The following MYO9A variants were observed in gnomAD, a reference collection of about 807,000 sequenced individuals.
MYO9A encodes the protein unconventional myosin-IXa.
MYO9A carries 103 observed loss-of-function variants against 293.3 expected under a neutral mutation model. The ratio of observed to expected loss-of-function variants is 0.35; its 90% CI spans 0.30 to 0.41. The LOEUF is 0.41. Ranked by LOEUF, MYO9A falls within the 10% of genes least tolerant of loss-of-function variation. MYO9A has a pLI of 1.00. For synonymous variants in MYO9A, 1,001 were observed against 1,035.7 expected, an observed-to-expected ratio of 0.97 and a Z score of 0.64; for missense variants, 2,685 against 3,033.0, an observed-to-expected ratio of 0.89 and a Z score of 2.69.
chr15:71,898,128 T>C lies in MYO9A; in HGVS notation c.4375A>G (p.Ile1459Val). The C allele has an allele frequency of 6.2e-7, 1 of 1,614,160 alleles. No homozygotes were observed. The highest frequency in any genetic ancestry group is 1.3e-5 in the African/African-American group (1 of 75,070). The change falls in exon 25 of 42, where the codon ATC becomes GTC. Residue 1459 changes from isoleucine to valine, a missense_variant. By Grantham distance (29) the Ile-to-Val change is conservative. Coordinates refer to ENST00000356056, the MANE Select transcript of MYO9A (RefSeq NM_006901.4). Reference protein sequence around the residue: ...DTAGEALTLDINRETRRYHCS... With the variant: ...DTAGEALTLDVNRETRRYHCS... The stretch of plus-strand genomic sequence containing the variant: ...TGATACCTTCTAGTTTCCCTGTTGA[T>C]ATCCAAAGTAAGAGCTTCCCCCGCT...
At chr15:71,867,260 C>A (rs558430425) in intron 32 of MYO9A, among the ~76,000 whole-genome samples, 3 of 151,882 alleles carry the variant, frequency 2.0e-5, no homozygotes, top group Non-Finnish European at 2.9e-5. Context: ...CCATAAAGAT[C>A]GCAATTTAAA....
intron 9 of MYO9A, among the ~76,000 whole-genome samples, chr15:71,998,108 G>C (rs1349579838): frequency 6.6e-6 from 1 of 152,076 alleles, no homozygotes; most frequent in Non-Finnish European, 1.5e-5. Context: ...AAATAAATGT[G>C]GTACTTATAC....
intron 1 of MYO9A, among the ~76,000 whole-genome samples, chr15:72,079,547 G>A (rs962344312): frequency 2.6e-5 from 4 of 152,108 alleles, no homozygotes; most frequent in African/African-American, 4.8e-5. Flanking sequence ...GTCTACAAGT[G>A]CATATGCATA....
At chr15:71,912,304 G>A (rs925952746) in intron 19 of MYO9A, among the ~76,000 whole-genome samples, 3 of 149,328 alleles carry the variant, frequency 2.0e-5, no homozygotes, top group Admixed American at 1.3e-4. Context: ...TGTCCAGGCT[G>A]GAGTGCAGTG....
intron 1 of MYO9A, among the ~76,000 whole-genome samples, chr15:72,057,775 C>CA (rs1297524787): frequency 1.3e-5 from 2 of 152,192 alleles, no homozygotes; most frequent in Admixed American, 6.5e-5. Flanking sequence ...GAAACTAACA[C>CA]ACACAGCAAA....
chr15:71,899,723 A>C lies in MYO9A; in HGVS notation c.3434T>G (p.Leu1145Trp). The C allele has an allele frequency of 6.2e-7, 1 of 1,613,966 alleles. No individual in the cohort carries two copies. Among genetic ancestry groups the C allele is most frequent in the African/African-American group, 1.3e-5 (1 of 75,008 alleles). ...TCTGAATCCTCTACATGTTGATTGCAAAAGGATAATTTTTTTCCTTTGTTC... is the reference window on the plus strand; with the variant it reads ...TCTGAATCCTCTACATGTTGATTGCCAAAGGATAATTTTTTTCCTTTGTTC... Reference protein sequence around the residue: ...YQEQRKKIILLQSTCRGFRAR... With the variant: ...YQEQRKKIILWQSTCRGFRAR... The change falls in exon 24 of 42, where the codon TTG (leucine) becomes TGG (tryptophan). Residue 1145 changes from leucine (L) to tryptophan (W), a missense_variant. Physicochemically the swap from Leu to Trp is moderately conservative, Grantham distance 61 (BLOSUM62 -2). Around this residue, in one of 10 missense-constraint regions of MYO9A, gnomAD observed 1,434 missense variants for 1,497.7 expected, o/e 0.96. Coordinates refer to ENST00000356056, the MANE Select transcript of MYO9A (RefSeq NM_006901.4).
intron 18 of MYO9A, among the ~76,000 whole-genome samples, chr15:71,917,770 A>C (rs1389919965): frequency 2.0e-5 from 3 of 152,224 alleles, no homozygotes; most frequent in African/African-American, 7.2e-5. Context: ...ACTATATGTT[A>C]TTTAAAAAGT....
rs1006689810 is a variant in MYO9A, at chr15:71,823,716, A to G, written c.*2864T>C. ...CAGGGATACATTCACTTTAATGGGC[A>G]GAGTTGAAAATTCAGGTTTTGTTTG... On this transcript the variant is annotated 3_prime_UTR_variant, in exon 42 of 42. Coordinates refer to ENST00000356056, the MANE Select transcript of MYO9A (RefSeq NM_006901.4). The G allele has an allele frequency of 6.6e-6, 1 of 152,222 alleles. No individual in the cohort carries two copies. The highest frequency in any genetic ancestry group is 1.5e-5 in the Non-Finnish European group (1 of 68,038). The allele number at this position is 152,222 out of a possible 1,614,324, so 9.4% of individuals were successfully genotyped here.
At chr15:72,010,220 C>T (rs1230312870) in intron 7 of MYO9A, 130 bp downstream of exon 7, 8 of 600,794 alleles carry the variant, frequency 1.3e-5, no homozygotes, top group East Asian at 2.8e-5. Flanking sequence ...AAATAATGCT[C>T]GAGATGGATG....
chr15:71,959,043 TAAAG>T (rs963018200), intron 14 of MYO9A: 69 of 152,286 alleles, frequency 4.5e-4, no homozygotes, highest in African/African-American at 1.6e-3. Flanking sequence ...GAAAGCATCT[TAAAG>T]AAAAAAAATT....
At position 72,020,898 on chromosome 15, in the gene MYO9A, T is replaced by C; in HGVS notation, c.1098+20A>G. The C allele has an allele frequency of 7.0e-7, 1 of 1,433,562 alleles. No individual in the cohort carries two copies. The highest frequency in any genetic ancestry group is 9.3e-7 in the Non-Finnish European group (1 of 1,075,580). 88.8% of individuals were successfully genotyped at this position (1,433,562 alleles called of 1,614,324 possible). A position where few individuals can be genotyped will look rare whatever the true frequency, so the allele number is the denominator to read the frequency against. On this transcript the variant is annotated intron_variant, in intron 5 of 41. Coordinates refer to ENST00000356056, the MANE Select transcript of MYO9A (RefSeq NM_006901.4). ...TTTAATACTGCCCTATACTTCAAAA[T>C]GCTTTTTATGAACTCTCACCTGATT...
chr15:71,984,928 T>A (rs2076370779), intron 11 of MYO9A, among the ~76,000 whole-genome samples: 1 of 152,150 alleles, frequency 6.6e-6, no homozygotes, highest in Admixed American at 6.5e-5. Context: ...GATATTTTGT[T>A]GTTGTTGTTG....
At chr15:71,945,285 T>C (rs575989689) in intron 15 of MYO9A, among the ~76,000 whole-genome samples, 2 of 152,316 alleles carry the variant, frequency 1.3e-5, no homozygotes, top group South Asian at 4.1e-4. Context: ...CCTCAGTTCA[T>C]ACTGAGTTTT....
chr15:72,104,748 A>G (rs965376416), intron 1 of MYO9A, among the ~76,000 whole-genome samples: 6 of 152,200 alleles, frequency 3.9e-5, no homozygotes, highest in African/African-American at 1.4e-4. Context: ...CTCTTCATTC[A>G]TAGGATACAT....
chr15:71,986,414 C>T (rs1160676070), intron 11 of MYO9A, among the ~76,000 whole-genome samples: 2 of 152,174 alleles, frequency 1.3e-5, no homozygotes, highest in Non-Finnish European at 1.5e-5. Context: ...ATTACAGTCT[C>T]TACCACTACC....
At chr15:71,854,046 GCAT>G (rs1489008663) in intron 35 of MYO9A, among the ~76,000 whole-genome samples, 3 of 152,132 alleles carry the variant, frequency 2.0e-5, no homozygotes, top group African/African-American at 7.2e-5. Flanking sequence ...ACAGCACCTT[GCAT>G]CATCATCAGC....
chr15:72,012,616 C>T (rs755546722), intron 6 of MYO9A, among the ~76,000 whole-genome samples: 1 of 152,030 alleles, frequency 6.6e-6, no homozygotes, highest in Non-Finnish European at 1.5e-5. Context: ...AATTTTTAAA[C>T]ACATTCTTCT....
intron 31 of MYO9A, 117 bp from the exon 32 acceptor site, chr15:71,875,955 A>G: frequency 1.9e-6 from 1 of 515,836 alleles, no homozygotes; most frequent in Non-Finnish European, 3.1e-6. Flanking sequence ...TCATTTCTTT[A>G]TTCTCCAAGA....
At chr15:71,859,582 C>G (rs926327584) in intron 34 of MYO9A, among the ~76,000 whole-genome samples, 153 bp downstream of exon 34, 2 of 152,116 alleles carry the variant, frequency 1.3e-5, no homozygotes, top group Non-Finnish European at 2.9e-5. Flanking sequence ...TGAACTGGAT[C>G]ATGGCATAAA....
Sources: gnomAD v4.1 joint callset for allele counts (sites outside exome capture counted in the v4.1 genomes callset) on GRCh38, gnomAD v4.1.1 for gene constraint, gnomAD v4.1.1 regional missense constraint, MANE v1.5 for transcripts, NCBI Gene and HGNC (gene_info 2026-07-23, HGNC 2026-07-21) for gene names.